SEH1L: variants seen among roughly 807,000 people sequenced by gnomAD.
The protein encoded by SEH1L is nucleoporin SEH1.
In SEH1L, 18 loss-of-function variants were observed where a neutral mutation model predicts 49.5. That is an observed-to-expected ratio of 0.36 (90% CI 0.25 to 0.54). The LOEUF (loss-of-function observed/expected upper bound fraction) is 0.54. SEH1L is among the 20% of genes least tolerant of loss of function. The pLI is 0.87. For synonymous variants in SEH1L, 169 were observed against 178.1 expected, an observed-to-expected ratio of 0.95 and a Z score of 0.41; for missense variants, 404 against 528.8, an observed-to-expected ratio of 0.76 and a Z score of 2.31.
intron 7 of SEH1L, among the ~76,000 whole-genome samples, chr18:12,983,555 CT>C (rs1248497684): frequency 6.6e-6 from 1 of 152,160 alleles, no homozygotes; most frequent in Non-Finnish European, 1.5e-5. Flanking sequence ...TTCATTCAAA[CT>C]AATAAGGCCA....
intron 5 of SEH1L, chr18:12,971,634 C>CAAA (rs563028729): frequency 4.6e-5 from 6 of 131,008 alleles, no homozygotes; most frequent in Non-Finnish European, 6.3e-5. Flanking sequence ...AACCCTGCCT[C>CAAA]AAAAAAAAAA....
chr18:12,960,427 G>T (rs1417915510), intron 3 of SEH1L, among the ~76,000 whole-genome samples: 2 of 152,154 alleles, frequency 1.3e-5, no homozygotes, highest in East Asian at 3.8e-4. Context: ...GAAAATAATG[G>T]CTATATATAT....
chr18:12,982,465 A>G (rs1442326522), intron 6 of SEH1L, 53 bp from the exon 7 acceptor site: 3 of 1,343,290 alleles, frequency 2.2e-6, no homozygotes, highest in East Asian at 4.7e-5. Context: ...GTGTATATAT[A>G]TATGTTTTAA....
intron 4 of SEH1L, among the ~76,000 whole-genome samples, chr18:12,968,630 C>T (rs1459835905): frequency 6.6e-6 from 1 of 152,112 alleles, no homozygotes; most frequent in Non-Finnish European, 1.5e-5. Context: ...TGATCTGCTT[C>T]CTGACTTCCT....
intron 4 of SEH1L, 77 bp from the exon 5 acceptor site, chr18:12,971,076 G>C: frequency 1.0e-6 from 1 of 985,934 alleles, no homozygotes; most frequent in South Asian, 1.3e-5. Context: ...TTGTCTGCTT[G>C]CCTCCAGTGT....
chr18:12,976,012 G>A (rs1218124762), intron 5 of SEH1L: 1 of 300,372 alleles, frequency 3.3e-6, no homozygotes, highest in Non-Finnish European at 4.9e-6. Context: ...GAACATCCAG[G>A]TGGGGATGTG....
chr18:12,974,569 C>G (rs1014794688), intron 5 of SEH1L: 1 of 152,108 alleles, frequency 6.6e-6, no homozygotes, highest in Admixed American at 6.6e-5. Context: ...TGAGCCACCA[C>G]GCCCGGCCTG....
chr18:12,959,974 C>T (rs1302686569), intron 3 of SEH1L, among the ~76,000 whole-genome samples: 1 of 152,018 alleles, frequency 6.6e-6, no homozygotes, highest in East Asian at 1.9e-4. Flanking sequence ...TCGAATCCAT[C>T]TAAACAAAAG....
intron 1 of SEH1L, among the ~76,000 whole-genome samples, chr18:12,951,413 C>T (rs1343455049): frequency 1.3e-5 from 2 of 151,940 alleles, no homozygotes; most frequent in East Asian, 1.9e-4. Flanking sequence ...TTTTTTGAGA[C>T]GGAGTCTTGC....
At chr18:12,971,010 G>A (rs761373129) in intron 4 of SEH1L, 143 bp from the exon 5 acceptor site, 18 of 603,716 alleles carry the variant, frequency 3.0e-5, no homozygotes, top group Non-Finnish European at 5.1e-5. Context: ...GGCCATGTCA[G>A]CTATGTGGCA....
At position 12,975,330 on chromosome 18, in the gene SEH1L, GA is replaced by G. The variant is rs149468070; in HGVS notation, c.621-3412del. 1.5e-4 allele frequency among the ~76,000 whole-genome samples: 23 copies of G among 149,062 alleles called. No individual in the cohort carries two copies. The East Asian group carries it at 2.4e-3, about 15-fold the overall frequency. ...ACAATATATAGCTTGCCTCAGGTAA[GA>G]AAAAAAAAATCTCACTTTTTCAACA... On this transcript the variant is annotated intron_variant, in intron 5 of 8. Transcript: ENST00000399892.
At chr18:12,948,336 G>A (rs1443394405) in intron 1 of SEH1L, 104 bp downstream of exon 1, 9 of 816,092 alleles carry the variant, frequency 1.1e-5, no homozygotes. Flanking sequence ...GACGCCGCTG[G>A]AAGCTGTGGG....
At chr18:12,985,293 T>C (rs752653247) in intron 8 of SEH1L, 1 of 1,602,360 alleles carries the variant, frequency 6.2e-7, no homozygotes, top group Non-Finnish European at 8.5e-7. Context: ...TTGCTGCTTG[T>C]TGCATGCACA....
intron 4 of SEH1L, among the ~76,000 whole-genome samples, chr18:12,967,787 G>A (rs530470164): frequency 6.9e-4 from 105 of 152,208 alleles, no homozygotes; most frequent in African/African-American, 2.3e-3. Context: ...GGTGGTGTGC[G>A]CCTGTACTCC....
intron 1 of SEH1L, among the ~76,000 whole-genome samples, chr18:12,951,325 TTACCTAATAGAGC>T (rs1455614125): frequency 6.6e-6 from 1 of 152,234 alleles, no homozygotes; most frequent in Admixed American, 6.5e-5. Context: ...ATTGTCTCTG[TTACCTAATAGAGC>T]TCAGCTTCCT....
At chr18:12,959,344 C>A (rs758810300) in intron 3 of SEH1L, among the ~76,000 whole-genome samples, 1 of 152,150 alleles carries the variant, frequency 6.6e-6, no homozygotes, top group African/African-American at 2.4e-5. Context: ...TTTATACTTA[C>A]CAGTTAAGCA....
chr18:12,958,064 CTTTTTTTTTTTTTTTTTTTTTTTTT>C (rs57733399), intron 3 of SEH1L, among the ~76,000 whole-genome samples: 1 of 62,036 alleles, frequency 1.6e-5, no homozygotes, highest in Non-Finnish European at 2.8e-5. Context: ...CTCATTTTAA[CTTTTTTTTTTTTTTTTTTTTTTTTT>C]TTTTTTTTTT....
At chr18:12,959,257 G>A (rs983664646) in intron 3 of SEH1L, among the ~76,000 whole-genome samples, 8 of 152,102 alleles carry the variant, frequency 5.3e-5, no homozygotes, top group African/African-American at 1.9e-4. Context: ...TCTGTTATAG[G>A]TTGAGTATTC....
At position 12,963,157 on chromosome 18, in the gene SEH1L, TA is replaced by T; in HGVS notation, c.310-2del. 6.4e-7 allele frequency: 1 copy of T among 1,570,998 alleles called. No individual in the cohort carries two copies. The highest frequency in any genetic ancestry group is 1.8e-5 in the Admixed American group (1 of 56,776). On this transcript the variant is annotated splice_acceptor_variant, in intron 3 of 8. Transcript: ENST00000399892. LOFTEE classifies it high-confidence loss of function. ...ATTTAAATTGTTATTATTTTTTTTTTAGGTTAAAAGGACAACTCTGGTGGAT... is the reference window on the plus strand; with the variant it reads ...ATTTAAATTGTTATTATTTTTTTTTTGGTTAAAAGGACAACTCTGGTGGAT...
Sources: allele counts gnomAD v4.1 joint callset (sites outside exome capture counted in the v4.1 genomes callset), GRCh38; gene constraint gnomAD v4.1.1; transcripts MANE v1.5; gene names NCBI Gene and HGNC (gene_info 2026-07-23, HGNC 2026-07-21).